TARP: variants seen among roughly 807,000 people sequenced by gnomAD.
At chr7:38,263,399 C>T in the TARP span, among the ~76,000 whole-genome samples, 6 of 151,786 alleles carry the variant, frequency 4.0e-5, no homozygotes, top group African/African-American at 1.5e-4. Flanking sequence ...ATGAAAAGTA[C>T]TTTGTAGGAA....
At chr7:38,261,804 G>A in the TARP span, among the ~76,000 whole-genome samples, 117 of 149,176 alleles carry the variant, frequency 7.8e-4, 1 homozygote, top group Middle Eastern at 6.8e-3. Context: ...GCCGGGAGGC[G>A]GAGGTTGTGG....
chr7:38,262,979 AAT>A, the TARP span, among the ~76,000 whole-genome samples: 3 of 151,686 alleles, frequency 2.0e-5, no homozygotes, highest in Middle Eastern at 3.4e-3. Context: ...TCAGTCCTTG[AAT>A]CCACAACAGA....
At chr7:38,268,371 T>C in the TARP span, among the ~76,000 whole-genome samples, 1 of 151,674 alleles carries the variant, frequency 6.6e-6, no homozygotes, top group East Asian at 1.9e-4. Context: ...CGGTATGATA[T>C]ATTAAATCTA....
chr7:38,265,619 C>A, the TARP span: 2 of 1,611,148 alleles, frequency 1.2e-6, no homozygotes, highest in Non-Finnish European at 1.7e-6. Flanking sequence ...AGCTTTGTTT[C>A]AGCAATTGAA....
the TARP span, among the ~76,000 whole-genome samples, chr7:38,271,832 T>C: frequency 3.3e-5 from 5 of 150,964 alleles, no homozygotes; most frequent in Admixed American, 6.7e-5. Context: ...TTTAATGAAA[T>C]ATAAGGGCAA....
the TARP span, among the ~76,000 whole-genome samples, chr7:38,267,224 C>G: frequency 6.6e-6 from 1 of 151,640 alleles, no homozygotes; most frequent in Non-Finnish European, 1.5e-5. Flanking sequence ...CATATAATTG[C>G]TCTATTAAAA....
chr7:38,271,514 A>G, the TARP span, among the ~76,000 whole-genome samples: 17 of 151,432 alleles, frequency 1.1e-4, no homozygotes, highest in Admixed American at 4.0e-4. Flanking sequence ...AATGAACTCA[A>G]TGATGCTAGT....
At chr7:38,261,296 G>A in the TARP span, among the ~76,000 whole-genome samples, 17 of 151,792 alleles carry the variant, frequency 1.1e-4, no homozygotes, top group Non-Finnish European at 2.1e-4. Context: ...CTCTTTGTTT[G>A]ATGGCCTGAT....
At chr7:38,265,403 C>T in the TARP span, 1 of 1,612,178 alleles carries the variant, frequency 6.2e-7, no homozygotes, top group Non-Finnish European at 8.5e-7. Context: ...TTATTATTCT[C>T]ATGTCTGACG....
chr7:38,271,488 G>T, the TARP span, among the ~76,000 whole-genome samples: 1 of 151,192 alleles, frequency 6.6e-6, no homozygotes, highest in East Asian at 1.9e-4. Context: ...ACTAACTGGA[G>T]GAGATATCGA....
At chr7:38,269,345 G>T in the TARP span, 8 of 515,928 alleles carry the variant, frequency 1.6e-5, no homozygotes, top group African/African-American at 2.0e-5. Context: ...TAGTATGAGC[G>T]TTTGTTTTAA....
chr7:38,268,688 C>T, the TARP span, among the ~76,000 whole-genome samples: 5 of 151,562 alleles, frequency 3.3e-5, no homozygotes, highest in South Asian at 4.2e-4. Flanking sequence ...CATCTTAATA[C>T]AATGTTTTTG....
At chr7:38,273,534 G>A in the TARP span, 115 of 1,392,130 alleles carry the variant, frequency 8.3e-5, no homozygotes, top group African/African-American at 1.3e-3. Flanking sequence ...GCCAGCTCCT[G>A]CCTGCCAGCC....
chr7:38,272,208 C>T, the TARP span, among the ~76,000 whole-genome samples: 2,302 of 150,572 alleles, frequency 0.015, 28 homozygotes, highest in Non-Finnish European at 0.022. Context: ...TATCTGTATT[C>T]CTGAGTGTAT....
the TARP span, among the ~76,000 whole-genome samples, chr7:38,271,370 C>A: frequency 6.6e-6 from 1 of 150,896 alleles, no homozygotes; most frequent in South Asian, 2.1e-4. Flanking sequence ...TTTTTTTCCC[C>A]AAAATTTTCT....
At chr7:38,265,336 C>A in the TARP span, 4 of 1,584,126 alleles carry the variant, frequency 2.5e-6, no homozygotes, top group Non-Finnish European at 2.6e-6. Flanking sequence ...AGATGATATG[C>A]GTAAACACAT....
the TARP span, chr7:38,269,434 A>C: frequency 1.4e-6 from 1 of 714,304 alleles, no homozygotes; most frequent in Admixed American, 2.0e-5. Flanking sequence ...TTCCAGTTTA[A>C]TAATTTCCTG....
chr7:38,265,912 A>G, the TARP span, among the ~76,000 whole-genome samples: 218 of 150,202 alleles, frequency 1.5e-3, 1 homozygote, highest in African/African-American at 4.5e-3. Context: ...CAGCTCTCAA[A>G]TGTCAGATGC....
chr7:38,264,299 A>G, the TARP span, among the ~76,000 whole-genome samples: 1 of 151,820 alleles, frequency 6.6e-6, no homozygotes, highest in Admixed American at 6.6e-5. Context: ...CATGAAAGAC[A>G]TTTTACTTTT....
Sources: allele counts gnomAD v4.1 joint callset (sites outside exome capture counted in the v4.1 genomes callset), GRCh38; gene constraint gnomAD v4.1.1; transcripts MANE v1.5.